The following ZNF723 variants were observed in gnomAD, a reference collection of about 807,000 sequenced individuals.
ZNF723 encodes the protein zinc finger protein 723, also known as zinc finger protein 723, pseudogene.
Under a neutral mutation model 9.4 loss-of-function variants are expected in ZNF723, and 5 were observed. The observed-to-expected ratio is 0.53, with a 90% CI of 0.28 to 1.12. The LOEUF (loss-of-function observed/expected upper bound fraction) is 1.12, where lower values mean the gene tolerates loss of function less well. Among genes scored for constraint, ZNF723 ranks in the 50% most tolerant of loss-of-function variants. The probability of loss-of-function intolerance (pLI) is 0.10; values close to 1 mark genes in which losing one functional copy is unlikely to be tolerated. For missense variants in ZNF723, 450 were observed against 501.5 expected, an observed-to-expected ratio of 0.90 and a Z score of 0.98; for synonymous variants, 158 against 168.8, an observed-to-expected ratio of 0.94 and a Z score of 0.49.
At chr19:22,834,352 T>C (rs1483371376) in intron 1 of ZNF723, among the ~76,000 whole-genome samples, 1 of 152,184 alleles carries the variant, frequency 6.6e-6, no homozygotes, top group Non-Finnish European at 1.5e-5. Context: ...CCCCTTGCAA[T>C]GTACTGTAAA....
At chr19:22,853,814 A>T (rs1465800163) in intron 3 of ZNF723, among the ~76,000 whole-genome samples, 1 of 152,012 alleles carries the variant, frequency 6.6e-6, no homozygotes, top group Non-Finnish European at 1.5e-5. Flanking sequence ...GGGTTTCACC[A>T]TGTTGGCCAG....
chr19:22,845,516 A>G (rs150141234), intron 1 of ZNF723, among the ~76,000 whole-genome samples: 1 of 152,240 alleles, frequency 6.6e-6, no homozygotes, highest in African/African-American at 2.4e-5. Context: ...CCTGTTTACT[A>G]CAGGGTGATT....
chr19:22,834,416 G>A (rs34252284), intron 1 of ZNF723, among the ~76,000 whole-genome samples: 45 of 151,058 alleles, frequency 3.0e-4, no homozygotes, highest in Non-Finnish European at 5.5e-4. Flanking sequence ...GATCTTATGA[G>A]AACGTTTTGG....
chr19:22,857,550 A>G lies in ZNF723; in HGVS notation c.659A>G (p.Lys220Arg), dbSNP rs1967497343. The G allele has an allele frequency of 7.5e-7, 1 of 1,331,204 alleles. No homozygotes were observed. 82.5% of individuals were successfully genotyped at this position (1,331,204 alleles called of 1,614,324 possible). A position where few individuals can be genotyped will look rare whatever the true frequency, so the allele number is the denominator to read the frequency against. ...FSVPSKLNNHKRIHTGEKPYK... is the reference protein window; with the variant it reads ...FSVPSKLNNHRRIHTGEKPYK... ...GTGCCCTCAAAGCTTAATAATCATAAGAGAATTCATACTGGAGAGAAACCC... is the reference window on the plus strand; with the variant it reads ...GTGCCCTCAAAGCTTAATAATCATAGGAGAATTCATACTGGAGAGAAACCC... Residue 220 changes from lysine to arginine, a missense_variant, in exon 4 of 4, where the codon AAG (lysine) becomes AGG (arginine). By Grantham distance (26) the Lys-to-Arg change is conservative (BLOSUM62 2). Transcript: ENST00000600766.
At chr19:22,856,503 T>C (rs1035194361) in intron 3 of ZNF723, among the ~76,000 whole-genome samples, 2 of 152,208 alleles carry the variant, frequency 1.3e-5, no homozygotes, top group Non-Finnish European at 2.9e-5. Context: ...CAGGTTCTTA[T>C]GATGTGTCTT....
chr19:22,845,435 CAT>C (rs1967295522), intron 1 of ZNF723, among the ~76,000 whole-genome samples: 1 of 152,114 alleles, frequency 6.6e-6, no homozygotes, highest in African/African-American at 2.4e-5. Context: ...TTAAGAGCCT[CAT>C]GTGATTCTAA....
chr19:22,853,900 C>G (rs1599480566), intron 3 of ZNF723, among the ~76,000 whole-genome samples: 1 of 152,152 alleles, frequency 6.6e-6, no homozygotes, highest in East Asian at 1.9e-4. Flanking sequence ...AGGCTTGAGT[C>G]ATCACAACCG....
chr19:22,846,478 C>T (rs539142212), intron 1 of ZNF723, among the ~76,000 whole-genome samples: 150 of 152,202 alleles, frequency 9.9e-4, no homozygotes, highest in African/African-American at 3.4e-3. Context: ...CAAAAATTAG[C>T]CAGGCATGGT....
chr19:22,848,019 T>C (rs1235407932), intron 1 of ZNF723, among the ~76,000 whole-genome samples: 1 of 151,616 alleles, frequency 6.6e-6, no homozygotes, highest in Non-Finnish European at 1.5e-5. Context: ...AGAGAATCAC[T>C]TGAACCCAGG....
At chr19:22,826,554 A>T in the ZNF723 span, among the ~76,000 whole-genome samples, 1 of 152,212 alleles carries the variant, frequency 6.6e-6, no homozygotes, top group Admixed American at 6.5e-5. Flanking sequence ...AACAGTTATA[A>T]CTGTCACTCT....
In ZNF723 at chr19:22,851,426, C is replaced by G. The variant is rs559312356; in HGVS notation, c.226+2133C>G. 3.3e-5 allele frequency among the ~76,000 whole-genome samples: 5 copies of G among 152,234 alleles called. No homozygotes were observed. In the South Asian group the frequency reaches 1.0e-3, roughly 32 times the overall value. ...ATGTCAGGTGATCTGCCTGCCTTGA[C>G]CTCCTAAAGTGCTGGGATTACAGGC... On this transcript the variant is annotated intron_variant, in intron 3 of 3. Coordinates refer to ENST00000600766, the MANE Select transcript of ZNF723 (RefSeq NM_001349726.2).
At position 22,857,153 on chromosome 19, in the gene ZNF723, G is replaced by A; in HGVS notation, c.262G>A (p.Glu88Lys). 2.0e-6 allele frequency: 2 copies of A among 1,020,984 alleles called. No homozygotes were observed. Among genetic ancestry groups the A allele is most frequent in the South Asian group, 3.3e-5 (2 of 59,882 alleles). The allele number at this position is 1,020,984 out of a possible 1,614,324, so 63.2% of individuals were successfully genotyped here. A position where few individuals can be genotyped will look rare whatever the true frequency, so the allele number is the denominator to read the frequency against. The part of the protein sequence containing the change: ...CSHFAQDLWP[E>K]QGIKDSFQKV... ...TCATTTTGCCCAAGACCTTTGGCCA[G>A]AGCAGGGCATAAAAGATTCTTTCCA... Residue 88 changes from glutamate (E) to lysine (K), a missense_variant, in exon 4 of 4, where the codon GAG (glutamate) becomes AAG (lysine). This residue lies in a region of ZNF723 where 143 missense variants were observed against 101.3 expected (regional missense o/e 1.41). Transcript: ENST00000600766.
chr19:22,829,044 G>T (rs1177154720), upstream of ZNF723, among the ~76,000 whole-genome samples: 1 of 151,908 alleles, frequency 6.6e-6, no homozygotes, highest in Non-Finnish European at 1.5e-5. Flanking sequence ...ATGGTGGCAG[G>T]CACCTGTAAT....
intron 1 of ZNF723, among the ~76,000 whole-genome samples, chr19:22,839,915 C>G (rs34212232): frequency 2.8e-4 from 43 of 152,130 alleles, no homozygotes; most frequent in Non-Finnish European, 4.1e-4. Flanking sequence ...ACGTATGCCT[C>G]CTTTTGAAAA....
At chr19:22,818,405 A>G in the ZNF723 span, among the ~76,000 whole-genome samples, 1 of 152,144 alleles carries the variant, frequency 6.6e-6, no homozygotes, top group Admixed American at 6.6e-5. Flanking sequence ...ACTCTCATAC[A>G]TGGATCCAGT....
chr19:22,837,649 T>C (rs1272617642), intron 1 of ZNF723, among the ~76,000 whole-genome samples: 1 of 152,088 alleles, frequency 6.6e-6, no homozygotes, highest in Non-Finnish European at 1.5e-5. Context: ...GACTGAAAAC[T>C]TAGAGAAAAG....
intron 1 of ZNF723, among the ~76,000 whole-genome samples, chr19:22,844,511 T>C (rs1266479145): frequency 6.6e-6 from 1 of 152,206 alleles, no homozygotes; most frequent in Non-Finnish European, 1.5e-5. Context: ...TAATGTATTA[T>C]TCGTATTAGT....
intron 1 of ZNF723, among the ~76,000 whole-genome samples, chr19:22,834,978 G>A (rs573130819): frequency 6.6e-6 from 1 of 152,210 alleles, no homozygotes; most frequent in Admixed American, 6.5e-5. Flanking sequence ...AACTGAGCAG[G>A]GTGGGGTGGG....
intron 1 of ZNF723, among the ~76,000 whole-genome samples, chr19:22,836,394 A>G (rs1967167597): frequency 6.6e-6 from 1 of 152,214 alleles, no homozygotes; most frequent in Non-Finnish European, 1.5e-5. Context: ...AAAAAATTAA[A>G]TTCTAAAGGA....
Sources: allele counts gnomAD v4.1 joint callset (sites outside exome capture counted in the v4.1 genomes callset), GRCh38; gene constraint gnomAD v4.1.1; regional missense constraint gnomAD v4.1.1; transcripts MANE v1.5; gene names NCBI Gene and HGNC (gene_info 2026-07-23, HGNC 2026-07-21).